MALRD1: variants seen among roughly 807,000 people sequenced by gnomAD.
MALRD1 encodes the protein MAM and LDL-receptor class A domain-containing protein 1.
A neutral mutation model predicts 242.1 loss-of-function variants in MALRD1; 247 were observed. The ratio of observed to expected loss-of-function variants is 1.02; its 90% CI spans 0.92 to 1.13. The LOEUF is 1.13. Among genes scored for constraint, MALRD1 ranks in the 50% most tolerant of loss-of-function variants. MALRD1 has a pLI of 0.00. For missense variants in MALRD1, 2,989 were observed against 2,533.1 expected, an observed-to-expected ratio of 1.18 and a Z score of -3.86; for synonymous variants, 995 against 866.6, an observed-to-expected ratio of 1.15 and a Z score of -2.60.
At chr10:19,255,644 T>A (rs1839472670) in intron 18 of MALRD1, among the ~76,000 whole-genome samples, 1 of 152,122 alleles carries the variant, frequency 6.6e-6, no homozygotes. Flanking sequence ...TTGTAATTAT[T>A]GTTCATTAAT....
chr10:19,694,900 T>A (rs1022948365), intron 38 of MALRD1, among the ~76,000 whole-genome samples: 2 of 152,014 alleles, frequency 1.3e-5, no homozygotes, highest in African/African-American at 4.8e-5. Context: ...CCATAAAAAA[T>A]GATGAGTTCA....
At chr10:19,389,346 C>A in intron 27 of MALRD1, 106 bp from the exon 28 acceptor site, 1 of 1,220,476 alleles carries the variant, frequency 8.2e-7, no homozygotes, top group Non-Finnish European at 1.2e-6. Flanking sequence ...CTTTTGGCAG[C>A]TCAGATCATA....
chr10:19,407,041 C>T (rs1833058722), intron 28 of MALRD1, among the ~76,000 whole-genome samples: 2 of 152,100 alleles, frequency 1.3e-5, no homozygotes, highest in South Asian at 4.1e-4. Flanking sequence ...TGATGAATTC[C>T]AACTCTTCTA....
At chr10:19,095,231 T>A (rs541809298) in intron 4 of MALRD1, among the ~76,000 whole-genome samples, 8 of 152,280 alleles carry the variant, frequency 5.3e-5, no homozygotes, top group African/African-American at 1.9e-4. Flanking sequence ...ATTGTAAAAG[T>A]TGAATTATAA....
intron 25 of MALRD1, among the ~76,000 whole-genome samples, chr10:19,348,301 A>G (rs1014254568): frequency 1.3e-5 from 2 of 152,180 alleles, no homozygotes; most frequent in Non-Finnish European, 2.9e-5. Context: ...CATGTATAAT[A>G]CAGAAGAAGT....
intron 1 of MALRD1, among the ~76,000 whole-genome samples, chr10:19,056,024 G>A (rs1262455354): frequency 6.6e-6 from 1 of 152,012 alleles, no homozygotes; most frequent in Non-Finnish European, 1.5e-5. Context: ...TTTATTTCTG[G>A]GCTTTCTAGC....
intron 24 of MALRD1, among the ~76,000 whole-genome samples, chr10:19,341,246 G>A (rs1032958221): frequency 6.6e-6 from 1 of 151,522 alleles, no homozygotes; most frequent in Non-Finnish European, 1.5e-5. Flanking sequence ...CTTATTGAAG[G>A]TTTTGAGAAA....
At chr10:19,169,642 G>C (rs943526093) in intron 13 of MALRD1, among the ~76,000 whole-genome samples, 1 of 152,130 alleles carries the variant, frequency 6.6e-6, no homozygotes, top group Non-Finnish European at 1.5e-5. Context: ...TTCTCTGAGT[G>C]TATTTTTAAA....
intron 28 of MALRD1, 47 bp downstream of exon 28, chr10:19,389,656 T>G: frequency 6.6e-7 from 1 of 1,522,926 alleles, no homozygotes; most frequent in Non-Finnish European, 8.8e-7. Flanking sequence ...TGTTCTGTTT[T>G]AGAGACAGGG....
intron 21 of MALRD1, among the ~76,000 whole-genome samples, chr10:19,283,843 G>A (rs1460867312): frequency 1.3e-5 from 2 of 152,184 alleles, no homozygotes; most frequent in African/African-American, 2.4e-5. Flanking sequence ...CTTCAAAGAA[G>A]AAATAGAGTG....
intron 20 of MALRD1, 86 bp downstream of exon 20, chr10:19,280,309 T>C: frequency 9.8e-7 from 1 of 1,025,318 alleles, no homozygotes; most frequent in Non-Finnish European, 1.3e-6. Flanking sequence ...CCTAGCATCA[T>C]AGTTAGATAT....
intron 35 of MALRD1, among the ~76,000 whole-genome samples, chr10:19,612,515 C>T (rs969667520): frequency 3.3e-5 from 5 of 151,910 alleles, no homozygotes; most frequent in African/African-American, 1.2e-4. Context: ...CCTTGCTTTC[C>T]TCTTTCTTAA....
chr10:19,101,940 A>C (rs1266476647), intron 4 of MALRD1, among the ~76,000 whole-genome samples: 2 of 137,778 alleles, frequency 1.5e-5, no homozygotes, highest in South Asian at 2.2e-4. Context: ...TAGTTTGATT[A>C]AAAATATCTG....
At chr10:19,588,470 T>G (rs1251928342) in intron 33 of MALRD1, among the ~76,000 whole-genome samples, 2 of 152,130 alleles carry the variant, frequency 1.3e-5, no homozygotes, top group Non-Finnish European at 2.9e-5. Flanking sequence ...AAGTCACAAT[T>G]TTGAGGAAAA....
At chr10:19,524,728 G>GA (rs113783958) in intron 31 of MALRD1, among the ~76,000 whole-genome samples, 34 of 150,628 alleles carry the variant, frequency 2.3e-4, no homozygotes, top group South Asian at 2.1e-4. Context: ...AGGAAAATGA[G>GA]AAAAAAAAAG....
intron 28 of MALRD1, among the ~76,000 whole-genome samples, chr10:19,435,521 C>T (rs186233168): frequency 6.6e-6 from 1 of 152,158 alleles, no homozygotes; most frequent in Admixed American, 6.6e-5. Flanking sequence ...GCATACTGAT[C>T]AGGTATTTTT....
At chr10:19,290,007 G>A (rs150215705) in intron 21 of MALRD1, among the ~76,000 whole-genome samples, 2,005 of 152,134 alleles carry the variant, frequency 0.013, 25 homozygotes, top group Non-Finnish European at 0.022. Flanking sequence ...ATATTCTCTC[G>A]CTTTATGCAC....
chr10:19,059,971 G>T (rs1226293358), intron 1 of MALRD1, among the ~76,000 whole-genome samples: 1 of 152,152 alleles, frequency 6.6e-6, no homozygotes, highest in East Asian at 1.9e-4. Context: ...ATTTGTCAAA[G>T]TTATATTAGC....
intron 28 of MALRD1, among the ~76,000 whole-genome samples, chr10:19,403,494 G>A (rs992037379): frequency 6.6e-6 from 1 of 152,086 alleles, no homozygotes; most frequent in South Asian, 2.1e-4. Flanking sequence ...TTATGCTAAC[G>A]TGTTGGTGAC....
Sources: allele counts gnomAD v4.1 joint callset (sites outside exome capture counted in the v4.1 genomes callset), GRCh38; gene constraint gnomAD v4.1.1; transcripts MANE v1.5; gene names NCBI Gene and HGNC (gene_info 2026-07-23, HGNC 2026-07-21).